Variants in TVP23C observed in about 807,000 individuals in gnomAD.
The protein encoded by TVP23C is trans-golgi network vesicle protein 23 homolog C.
A neutral mutation model predicts 28.7 loss-of-function variants in TVP23C; 19 were observed. That is an observed-to-expected ratio of 0.66 (90% CI 0.46 to 0.97). The LOEUF is 0.97. Ranked by LOEUF, TVP23C falls within the 50% of genes least tolerant of loss-of-function variation. The pLI, the probability that TVP23C is intolerant of heterozygous loss-of-function variation, is 0.00. For synonymous variants in TVP23C, 68 were observed against 81.7 expected, an observed-to-expected ratio of 0.83 and a Z score of 0.90; for missense variants, 186 against 241.3, an observed-to-expected ratio of 0.77 and a Z score of 1.52.
At chr17:15,522,916 C>G (rs952026575) in intron 5 of TVP23C, among the ~76,000 whole-genome samples, 8 of 152,010 alleles carry the variant, frequency 5.3e-5, no homozygotes, top group African/African-American at 1.7e-4. Context: ...GTGGTGCACA[C>G]CTGTGCACCA....
chr17:15,521,478 T>A (rs1982474608), intron 5 of TVP23C, among the ~76,000 whole-genome samples: 2 of 152,160 alleles, frequency 1.3e-5, no homozygotes, highest in South Asian at 4.2e-4. Context: ...CACTCCAGCC[T>A]GGGCAACAGA....
intron 5 of TVP23C, among the ~76,000 whole-genome samples, chr17:15,512,429 A>C (rs1020024831): frequency 6.6e-6 from 1 of 152,178 alleles, no homozygotes; most frequent in African/African-American, 2.4e-5. Context: ...GACCTTCCAT[A>C]AGAAGACACA....
intron 5 of TVP23C, among the ~76,000 whole-genome samples, chr17:15,528,926 T>A (rs1982838930): frequency 6.6e-6 from 1 of 152,138 alleles, no homozygotes; most frequent in East Asian, 1.9e-4. Flanking sequence ...TGCTTTTGAA[T>A]CCTCTTTTTC....
At chr17:15,502,859 T>A (rs929883084) in exon 6 of TVP23C, 4 of 1,570,336 alleles carry the variant, frequency 2.5e-6, no homozygotes, top group Non-Finnish European at 3.5e-6. Flanking sequence ...ATTTGTGGGT[T>A]GTTTTTAATG....
intron 5 of TVP23C, among the ~76,000 whole-genome samples, chr17:15,513,351 AG>A (rs1220155805): frequency 6.6e-6 from 1 of 152,224 alleles, no homozygotes; most frequent in Non-Finnish European, 1.5e-5. Flanking sequence ...ATTTTAAACT[AG>A]GCTTTAAAAA....
At chr17:15,509,777 GGA>G (rs1235302510) in intron 5 of TVP23C, among the ~76,000 whole-genome samples, 11 of 152,190 alleles carry the variant, frequency 7.2e-5, no homozygotes, top group Non-Finnish European at 1.6e-4. Context: ...CCCCTATCAG[GGA>G]GACCCCTCTG....
chr17:15,550,995 T>A (rs1344439658), intron 3 of TVP23C, among the ~76,000 whole-genome samples: 1 of 152,238 alleles, frequency 6.6e-6, no homozygotes, highest in East Asian at 1.9e-4. Flanking sequence ...CTCTCTGATT[T>A]AAGCTTCCTT....
intron 5 of TVP23C, among the ~76,000 whole-genome samples, chr17:15,517,485 G>A (rs902300130): frequency 6.6e-6 from 1 of 152,182 alleles, no homozygotes; most frequent in Admixed American, 6.5e-5. Context: ...GCTACTCCAT[G>A]CCTCAGTTTC....
intron 1 of TVP23C, among the ~76,000 whole-genome samples, chr17:15,555,890 T>C (rs1984108214): frequency 6.6e-6 from 1 of 152,136 alleles, no homozygotes; most frequent in African/African-American, 2.4e-5. Flanking sequence ...TACACTTTCT[T>C]CTATCTTCAA....
At chr17:15,521,866 T>C (rs1374457677) in intron 5 of TVP23C, among the ~76,000 whole-genome samples, 1 of 152,216 alleles carries the variant, frequency 6.6e-6, no homozygotes, top group Non-Finnish European at 1.5e-5. Context: ...CACATGTCTC[T>C]CATTCTCTGA....
intron 1 of TVP23C, among the ~76,000 whole-genome samples, chr17:15,561,683 T>C (rs72819848): frequency 0.078 from 11,903 of 151,882 alleles, 142 homozygotes; most frequent in African/African-American, 0.12. Flanking sequence ...ACAGTCAACA[T>C]GGTTGTGTTT....
intron 5 of TVP23C, among the ~76,000 whole-genome samples, chr17:15,506,562 G>T (rs1981754948): frequency 6.6e-6 from 1 of 152,182 alleles, no homozygotes; most frequent in African/African-American, 2.4e-5. Context: ...ACCTGCTCAG[G>T]TCCCCTTCCA....
At chr17:15,507,323 G>C in intron 5 of TVP23C, 1 of 759,298 alleles carries the variant, frequency 1.3e-6, no homozygotes, top group Non-Finnish European at 2.4e-6. Context: ...CCAGCAAGAA[G>C]ATCACCATTG....
At chr17:15,523,891 G>A (rs1348055111) in intron 5 of TVP23C, among the ~76,000 whole-genome samples, 1 of 152,228 alleles carries the variant, frequency 6.6e-6, no homozygotes. Flanking sequence ...GGGATTACAG[G>A]CGTGAGCCAC....
intron 5 of TVP23C, among the ~76,000 whole-genome samples, chr17:15,521,568 T>G (rs751251272): frequency 8.5e-5 from 13 of 152,150 alleles, no homozygotes; most frequent in Non-Finnish European, 1.0e-4. Context: ...ATAGGGATAT[T>G]CAAATAGAGA....
intron 5 of TVP23C, among the ~76,000 whole-genome samples, chr17:15,512,684 C>T (rs1028818205): frequency 1.3e-5 from 2 of 152,146 alleles, no homozygotes; most frequent in South Asian, 2.1e-4. Context: ...TTTAAATAGC[C>T]GATAGAAGAT....
Position 15,560,497 on chromosome 17 carries a change from T to G in TVP23C, c.12+2940A>C, listed in dbSNP as rs557762122. On this transcript the variant is annotated intron_variant, in intron 1 of 5. Coordinates refer to ENST00000518321, the MANE Select transcript of TVP23C (RefSeq NM_001135036.2). ...AGAATTAAAAGACAAGTATATATGA[T>G]ACAAGTCTTTAAAGGAAAAAGAATG... 7.3e-5 allele frequency among the ~76,000 whole-genome samples: 11 copies of G among 149,730 alleles called. No homozygotes were observed. In the East Asian group the frequency reaches 2.1e-3, roughly 29 times the overall value.
intron 5 of TVP23C, among the ~76,000 whole-genome samples, chr17:15,506,048 G>C (rs184906893): frequency 6.6e-6 from 1 of 152,220 alleles, no homozygotes; most frequent in African/African-American, 2.4e-5. Flanking sequence ...CAGTTCCATC[G>C]ACCACCCAAG....
At chr17:15,548,658 G>T (rs1242471272) in intron 3 of TVP23C, among the ~76,000 whole-genome samples, 1 of 152,014 alleles carries the variant, frequency 6.6e-6, no homozygotes, top group African/African-American at 2.4e-5. Flanking sequence ...CCACTGCTTT[G>T]AAAGTAGTTA....
Sources: allele counts gnomAD v4.1 joint callset (sites outside exome capture counted in the v4.1 genomes callset), GRCh38; gene constraint gnomAD v4.1.1; transcripts MANE v1.5; gene names NCBI Gene and HGNC (gene_info 2026-07-23, HGNC 2026-07-21).